ATRNL1: variants seen among roughly 807,000 people sequenced by gnomAD.
ATRNL1 encodes attractin-like protein 1.
ATRNL1 carries 95 observed loss-of-function variants against 182.7 expected under a neutral mutation model. The ratio of observed to expected loss-of-function variants is 0.52; its 90% CI spans 0.44 to 0.62. ATRNL1 has a LOEUF of 0.62. ATRNL1 is among the 20% of genes least tolerant of loss of function. The pLI, the probability that ATRNL1 is intolerant of heterozygous loss-of-function variation, is 0.00. For synonymous variants in ATRNL1, 576 were observed against 568.3 expected (o/e 1.01, Z -0.19); for missense variants, 1,471 against 1,679.5 (o/e 0.88, Z 2.17).
chr10:115,589,858 A>G (rs1403609871), intron 26 of ATRNL1, among the ~76,000 whole-genome samples: 2 of 152,218 alleles, frequency 1.3e-5, no homozygotes, highest in Non-Finnish European at 2.9e-5. Context: ...GGAGCCCATC[A>G]TGGTTAGTAC....
At chr10:115,645,170 C>G (rs1859525397) in intron 26 of ATRNL1, among the ~76,000 whole-genome samples, 1 of 151,828 alleles carries the variant, frequency 6.6e-6, no homozygotes. Flanking sequence ...ATTCTGTGTT[C>G]AACAATAGAA....
intron 1 of ATRNL1, among the ~76,000 whole-genome samples, chr10:115,116,748 A>T (rs901663368): frequency 2.0e-5 from 3 of 152,068 alleles, no homozygotes; most frequent in African/African-American, 7.2e-5. Context: ...ACATCCTCCC[A>T]TGCTTCCAGT....
intron 26 of ATRNL1, among the ~76,000 whole-genome samples, chr10:115,550,463 T>A (rs1263912852): frequency 2.0e-5 from 3 of 151,690 alleles, no homozygotes; most frequent in Non-Finnish European, 3.0e-5. Flanking sequence ...GTGATATGGG[T>A]TCTTCTTAGT....
chr10:115,821,811 T>G (rs1186505740), intron 27 of ATRNL1, among the ~76,000 whole-genome samples: 2 of 152,134 alleles, frequency 1.3e-5, no homozygotes, highest in Non-Finnish European at 2.9e-5. Flanking sequence ...ACAAAGAGAC[T>G]TAGACTCCCA....
At chr10:115,649,069 G>T (rs1859817198) in intron 26 of ATRNL1, among the ~76,000 whole-genome samples, 2 of 152,142 alleles carry the variant, frequency 1.3e-5, no homozygotes, top group African/African-American at 2.4e-5. Flanking sequence ...AATCTTCAAA[G>T]GTCCTTACAA....
intron 24 of ATRNL1, among the ~76,000 whole-genome samples, chr10:115,486,696 G>T (rs1337056524): frequency 6.6e-6 from 1 of 152,034 alleles, no homozygotes. Flanking sequence ...TAGGTTGCCT[G>T]TTCACTCTGA....
chr10:115,383,026 A>T (rs570184829), intron 19 of ATRNL1, among the ~76,000 whole-genome samples: 1 of 151,266 alleles, frequency 6.6e-6, no homozygotes, highest in African/African-American at 2.4e-5. Context: ...AGTTCTTTTT[A>T]TTTCTAGTTG....
chr10:115,368,565 C>T (rs1219301570), intron 19 of ATRNL1, among the ~76,000 whole-genome samples: 2 of 152,088 alleles, frequency 1.3e-5, no homozygotes, highest in Non-Finnish European at 2.9e-5. Context: ...TTTTTAGCTA[C>T]AGTCACCATG....
At chr10:115,417,027 G>A (rs1845422268) in intron 20 of ATRNL1, among the ~76,000 whole-genome samples, 1 of 152,174 alleles carries the variant, frequency 6.6e-6, no homozygotes, top group African/African-American at 2.4e-5. Context: ...AGGTAGGAGG[G>A]TGTGAAAGCC....
At chr10:115,396,125 G>A (rs1844276730) in intron 20 of ATRNL1, among the ~76,000 whole-genome samples, 1 of 151,816 alleles carries the variant, frequency 6.6e-6, no homozygotes, top group Non-Finnish European at 1.5e-5. Context: ...TTATGTCTTT[G>A]CTTAGCCACC....
intron 27 of ATRNL1, among the ~76,000 whole-genome samples, chr10:115,747,126 A>T (rs543059174): frequency 7.9e-5 from 12 of 152,254 alleles, no homozygotes; most frequent in African/African-American, 2.9e-4. Context: ...TTGATAAGGA[A>T]TATAGTTATC....
intron 20 of ATRNL1, among the ~76,000 whole-genome samples, chr10:115,405,160 T>A (rs1279730376): frequency 6.6e-6 from 1 of 152,190 alleles, no homozygotes; most frequent in Non-Finnish European, 1.5e-5. Context: ...TTCTATATAT[T>A]TATTATTAAG....
chr10:115,786,524 C>T (rs1555080465), intron 27 of ATRNL1, among the ~76,000 whole-genome samples: 1 of 152,162 alleles, frequency 6.6e-6, no homozygotes. Flanking sequence ...ATCACATGCA[C>T]TTCCTCTTCC....
Position 115,241,690 on chromosome 10 carries a change from A to T in ATRNL1, c.1652A>T (p.Lys551Ile). Residue 551 changes from lysine to isoleucine, a missense_variant, in exon 10 of 29, where the codon AAA (lysine) becomes ATA (isoleucine). Physicochemically the swap from Lys to Ile is moderately radical, Grantham distance 102 (BLOSUM62 -3). Transcript: ENST00000355044. ...GACACTTCCTTGAGTAACGGTGCAA[A>T]ATGTTTTTCTGCCGATTTCCTGGCA... ...HNDTSLSNGA[K>I]CFSADFLAYD... is the part of the protein sequence containing the mutation. 1.2e-6 allele frequency: 2 copies of T among 1,611,020 alleles called. No homozygotes were observed. Among genetic ancestry groups the T allele is most frequent in the Non-Finnish European group, 8.5e-7 (1 of 1,177,920 alleles).
intron 28 of ATRNL1, among the ~76,000 whole-genome samples, chr10:115,918,186 C>T (rs1461474862): frequency 1.3e-5 from 2 of 151,196 alleles, no homozygotes; most frequent in Admixed American, 6.6e-5. Flanking sequence ...CCGCAACCTC[C>T]GCCTCCCAGG....
intron 19 of ATRNL1, among the ~76,000 whole-genome samples, chr10:115,366,774 A>T (rs1857066455): frequency 6.7e-6 from 1 of 150,340 alleles, no homozygotes; most frequent in South Asian, 2.1e-4. Context: ...TCCTTCACTT[A>T]TGAAGCTTAG....
intron 27 of ATRNL1, among the ~76,000 whole-genome samples, chr10:115,792,886 G>GA (rs751821291): frequency 1.7e-4 from 26 of 150,060 alleles, no homozygotes; most frequent in South Asian, 8.5e-4. Flanking sequence ...TTTTCAGTTT[G>GA]AAAAAAAAAT....
intron 24 of ATRNL1, among the ~76,000 whole-genome samples, chr10:115,507,368 A>G (rs189219688): frequency 6.3e-4 from 96 of 152,156 alleles, no homozygotes; most frequent in African/African-American, 2.1e-3. Context: ...CTGCAATTCA[A>G]TAAGTAAAAA....
intron 21 of ATRNL1, among the ~76,000 whole-genome samples, chr10:115,454,625 GTTTA>G (rs1466148617): frequency 2.0e-5 from 3 of 151,944 alleles, no homozygotes; most frequent in African/African-American, 7.2e-5. Flanking sequence ...CTTTGGTTAA[GTTTA>G]TTTATAAGTA....
Sources: gnomAD v4.1 joint callset for allele counts (sites outside exome capture counted in the v4.1 genomes callset) on GRCh38, gnomAD v4.1.1 for gene constraint, MANE v1.5 for transcripts, NCBI Gene and HGNC (gene_info 2026-07-23, HGNC 2026-07-21) for gene names.